Variants in SOHLH1 observed in about 807,000 individuals in gnomAD.
SOHLH1 encodes the protein spermatogenesis and oogenesis specific basic helix-loop-helix 1.
SOHLH1 carries 23 observed loss-of-function variants against 36.2 expected under a neutral mutation model. The ratio of observed to expected loss-of-function variants is 0.64; its 90% confidence interval spans 0.46 to 0.90. SOHLH1 has a LOEUF of 0.90. Among genes scored for constraint, SOHLH1 ranks in the 40% least tolerant of loss-of-function variants. The pLI is 0.00. For missense variants in SOHLH1, 608 were observed against 517.0 expected (o/e 1.18, Z -1.71); for synonymous variants, 289 against 228.3 (o/e 1.27, Z -2.40).
rs767224712 is a variant in SOHLH1 at position 135,693,577 on chromosome 9, T to A, written c.*20A>T. 20 of 1,545,782 alleles carry A rather than the reference T, an allele frequency of 1.3e-5. No individual in the cohort carries two copies. Among genetic ancestry groups the A allele is most frequent in the Non-Finnish European group, 8.8e-7 (1 of 1,141,938 alleles). ...TCCAGATCCACCGGCCCCGCCCGCC[T>A]CCTCTCCACAGCCTGGCTGCTAGCA... On this transcript the variant is annotated 3_prime_UTR_variant, in exon 8 of 8. Coordinates refer to ENST00000425225, the MANE Select transcript of SOHLH1 (RefSeq NM_001101677.2).
At chr9:135,694,219 C>A in intron 7 of SOHLH1, 168 bp downstream of exon 7, 1 of 1,467,610 alleles carries the variant, frequency 6.8e-7, no homozygotes. Context: ...ACCTATAACG[C>A]TCAATACCAG....
At chr9:135,698,588 G>C in intron 2 of SOHLH1, 112 bp from the exon 3 acceptor site, 1 of 1,466,956 alleles carries the variant, frequency 6.8e-7, no homozygotes, top group South Asian at 1.2e-5. Context: ...GGCAGAGGGG[G>C]CTACAAGATG....
rs754318328 is a variant in SOHLH1 at position 135,698,348 on chromosome 9, G to T, written c.326C>A (p.Pro109His). ...QFLRLASALG[P>H]SQEQHAILAS... ...ACTCACAGCGTGCTGCTCCTGACTG[G>T]GCCCCAGGGCGCTGGCAAGCCGCAG... The change falls in exon 3 of 8, where the codon CCC (proline) becomes CAC (histidine). Residue 109 changes from proline to histidine, a missense_variant. Pro to His is a moderately conservative substitution (Grantham distance 77). Transcript: ENST00000425225. 1.2e-6 allele frequency: 2 copies of T among 1,612,844 alleles called. No individual in the cohort carries two copies. Among genetic ancestry groups the T allele is most frequent in the African/African-American group, 2.7e-5 (2 of 74,900 alleles).
At position 135,695,396 on chromosome 9, in the gene SOHLH1, A is replaced by C. The variant is rs371151926; in HGVS notation, c.662-133T>G. On this transcript the variant is annotated intron_variant, in intron 5 of 7. Transcript: ENST00000425225. ...TGCTCTGCTGCCTGCACCCTGCAGCAGGGACACGTGGGAGGAAGCTCAGAA... is the reference window on the plus strand; with the variant it reads ...TGCTCTGCTGCCTGCACCCTGCAGCCGGGACACGTGGGAGGAAGCTCAGAA... The C allele has an allele frequency of 3.9e-5, 30 of 774,908 alleles. No homozygotes were observed. The African/African-American group carries it at 4.1e-4, about 11-fold the overall frequency. 48.0% of individuals were successfully genotyped at this position (774,908 alleles called of 1,614,324 possible). A position where few individuals can be genotyped will look rare whatever the true frequency, so the allele number is the denominator to read the frequency against.
chr9:135,701,796 G>A (rs546993692), upstream of SOHLH1, among the ~76,000 whole-genome samples: 28 of 150,274 alleles, frequency 1.9e-4, no homozygotes, highest in African/African-American at 6.0e-4. Flanking sequence ...AGCAGCACAA[G>A]CGGGAGGTGC....
chr9:135,697,681 C>T, intron 3 of SOHLH1, 54 bp from the exon 4 acceptor site: 1 of 1,583,318 alleles, frequency 6.3e-7, no homozygotes, highest in Non-Finnish European at 8.6e-7. Context: ...GCTGAGAAAC[C>T]CAAGACACGG....
In SOHLH1 at chr9:135,696,649, C is replaced by G; in HGVS notation, c.624G>C (p.Gly208=). The G allele has an allele frequency of 6.2e-7, 1 of 1,612,820 alleles. No homozygotes were observed. Among genetic ancestry groups the G allele is most frequent in the Non-Finnish European group, 8.5e-7 (1 of 1,179,846 alleles). The change falls in exon 5 of 8, where the codon GGG becomes GGC. Residue 208 remains glycine, a synonymous_variant. Transcript: ENST00000425225. ...GCAGCCCACCCCGCACCTGGCACAG[C>G]CCCAACAGTGCCTCACACTTGTCCG... ...LGTDKCEALL[G]LCQVRGGLPP...
upstream of SOHLH1, chr9:135,699,559 T>G: frequency 1.4e-6 from 2 of 1,384,386 alleles, no homozygotes; most frequent in Middle Eastern, 2.3e-4. Context: ...TGCCACGTGC[T>G]TTCCACCTAG....
chr9:135,699,058 G>C lies in SOHLH1; in HGVS notation c.134C>G (p.Pro45Arg). Reference sequence around the variant, plus strand: ...GGAGCTGGGACCCTCGGCCACCGTAGGGGCCTTGGGCGGGCCCGAGCCCCG... The same window carrying C: ...GGAGCTGGGACCCTCGGCCACCGTACGGGCCTTGGGCGGGCCCGAGCCCCG... The part of the protein sequence containing the change: ...SARGSGPPKA[P>R]TVAEGPSSCL... The change falls in exon 2 of 8, where the codon CCT becomes CGT. Residue 45 changes from proline to arginine, a missense_variant. Coordinates refer to ENST00000425225, the MANE Select transcript of SOHLH1 (RefSeq NM_001101677.2). The C allele has an allele frequency of 6.2e-7, 1 of 1,611,224 alleles. No individual in the cohort carries two copies. The highest frequency in any genetic ancestry group is 8.5e-7 in the Non-Finnish European group (1 of 1,179,676).
chr9:135,694,543 A>C, intron 6 of SOHLH1, 86 bp from the exon 7 acceptor site: 1 of 1,550,254 alleles, frequency 6.5e-7, no homozygotes, highest in South Asian at 1.2e-5. Flanking sequence ...AGTCCTGCAA[A>C]GGCAGCTTCG....
intron 2 of SOHLH1, 73 bp downstream of exon 2, chr9:135,698,922 G>C (rs1174476728): frequency 8.1e-6 from 13 of 1,603,266 alleles, no homozygotes; most frequent in Non-Finnish European, 1.1e-5. Flanking sequence ...ACACCTGGTG[G>C]CAGCCCCGAA....
chr9:135,694,454 A>G lies in SOHLH1; in HGVS notation c.879T>C (p.Ser293=), dbSNP rs1331918029. Reference sequence around the variant, plus strand: ...CATCGTCCACATCAGACCCCAACGCAGACCTGGAAGCGACAAGCTCTTCCT... The same window carrying G: ...CATCGTCCACATCAGACCCCAACGCGGACCTGGAAGCGACAAGCTCTTCCT... ...EDPMLAQEAG[S]ALGSDVDDGT... is the part of the protein sequence containing the mutation. The change falls in exon 7 of 8, where the codon TCT becomes TCC. Residue 293 remains serine, a synonymous_variant. Transcript: ENST00000425225. 1.2e-6 allele frequency: 2 copies of G among 1,613,104 alleles called. No homozygotes were observed. Among genetic ancestry groups the G allele is most frequent in the Admixed American group, 1.7e-5 (1 of 60,016 alleles).
At position 135,694,067 on chromosome 9, in the gene SOHLH1, G is replaced by A. The variant is rs574423543; in HGVS notation, c.947-253C>T. On this transcript the variant is annotated intron_variant, in intron 7 of 7. Transcript: ENST00000425225. ...GGAATGGACACACGCCATGTCACAGGGCCATACACCTTTGCCGGCCAGCAC... is the reference window on the plus strand; with the variant it reads ...GGAATGGACACACGCCATGTCACAGAGCCATACACCTTTGCCGGCCAGCAC... 626 of 1,426,248 alleles carry A rather than the reference G, an allele frequency of 4.4e-4. 11 individuals carry two copies. In the South Asian group the frequency reaches 8.8e-3, roughly 20 times the overall value. The allele number at this position is 1,426,248 out of a possible 1,614,324, so 88.3% of individuals were successfully genotyped here. A position where few individuals can be genotyped will look rare whatever the true frequency, so the allele number is the denominator to read the frequency against.
intron 3 of SOHLH1, among the ~76,000 whole-genome samples, chr9:135,698,089 G>C (rs1190951765): frequency 6.6e-6 from 1 of 152,124 alleles, no homozygotes; most frequent in East Asian, 1.9e-4. Flanking sequence ...TCAATGAACA[G>C]GACTCAGGGG....
chr9:135,695,253 G>A lies in SOHLH1; in HGVS notation c.672C>T (p.Ser224=), dbSNP rs1405802644. 1.3e-6 allele frequency: 2 copies of A among 1,595,348 alleles called. No individual in the cohort carries two copies. Among genetic ancestry groups the A allele is most frequent in the Middle Eastern group, 3.8e-4 (2 of 5,276 alleles). The change falls in exon 6 of 8, where the codon AGC becomes AGT. Residue 224 remains serine, a synonymous_variant. Coordinates refer to ENST00000425225, the MANE Select transcript of SOHLH1 (RefSeq NM_001101677.2). The part of the protein sequence containing the change: ...GGLPPFSEPS[S]LVPWPPGRSL... ...TCCGGCCTGGGGGCCACGGCACCAG[G>A]CTGGAAGGTTCTGGGAGAGAAGTCA...
intron 7 of SOHLH1, chr9:135,694,102 CA>C: frequency 2.8e-6 from 4 of 1,429,394 alleles, no homozygotes; most frequent in Non-Finnish European, 3.6e-6. Flanking sequence ...CGGGCTGGAC[CA>C]GGGGCCTCGC....
upstream of SOHLH1, among the ~76,000 whole-genome samples, chr9:135,701,962 C>A (rs1835047548): frequency 6.6e-6 from 1 of 152,080 alleles, no homozygotes; most frequent in Non-Finnish European, 1.5e-5. Context: ...GCTTTTCTAG[C>A]CATTGACGAA....
chr9:135,696,403 A>C (rs73667683), intron 5 of SOHLH1, among the ~76,000 whole-genome samples: 7 of 152,052 alleles, frequency 4.6e-5, no homozygotes, highest in Admixed American at 1.3e-4. Flanking sequence ...CCCTCCCGAG[A>C]GCACACGTCC....
chr9:135,694,631 A>C (rs1372078090), intron 6 of SOHLH1, among the ~76,000 whole-genome samples, 174 bp from the exon 7 acceptor site: 1 of 152,170 alleles, frequency 6.6e-6, no homozygotes, highest in African/African-American at 2.4e-5. Flanking sequence ...ACAGCCGCTG[A>C]GGACACGGGC....
Sources: gnomAD v4.1 joint callset for allele counts (sites outside exome capture counted in the v4.1 genomes callset) on GRCh38, gnomAD v4.1.1 for gene constraint, MANE v1.5 for transcripts, NCBI Gene and HGNC (gene_info 2026-07-23, HGNC 2026-07-21) for gene names.